SSPN: variants seen among roughly 807,000 people sequenced by gnomAD.
The protein encoded by SSPN is K-ras oncogene-associated protein.
A neutral mutation model predicts 19.1 loss-of-function variants in SSPN; 15 were observed. The ratio of observed to expected loss-of-function variants is 0.78; its 90% CI spans 0.52 to 1.21. SSPN has a LOEUF of 1.21. Among genes scored for constraint, SSPN ranks in the 50% most tolerant of loss-of-function variants. The probability of loss-of-function intolerance (pLI) is 0.00; values close to 1 mark genes in which losing one functional copy is unlikely to be tolerated. For missense variants in SSPN, 291 were observed against 314.0 expected, an observed-to-expected ratio of 0.93 and a Z score of 0.55; for synonymous variants, 147 against 140.3, an observed-to-expected ratio of 1.05 and a Z score of -0.34.
chr12:26,123,886 G>A (rs1944337470), intron 1 of SSPN: 2 of 759,050 alleles, frequency 2.6e-6, no homozygotes, highest in East Asian at 2.6e-5. Context: ...CCACAAGACA[G>A]GTTATAAATG....
intron 1 of SSPN, among the ~76,000 whole-genome samples, chr12:26,210,297 A>C (rs1944971549): frequency 6.6e-6 from 1 of 152,132 alleles, no homozygotes; most frequent in Admixed American, 6.5e-5. Flanking sequence ...CTAAAAAATA[A>C]TCAATATACT....
upstream of SSPN, among the ~76,000 whole-genome samples, chr12:26,190,621 A>C (rs1944781458): frequency 6.6e-6 from 1 of 152,242 alleles, no homozygotes; most frequent in African/African-American, 2.4e-5. Flanking sequence ...TTATTGTAGC[A>C]ATAGATAATT....
chr12:26,233,799 G>A lies in SSPN; in HGVS notation c.*2723G>A, dbSNP rs1053443597. 6.6e-6 allele frequency: 1 copy of A among 152,208 alleles called. No individual in the cohort carries two copies. Among genetic ancestry groups the A allele is most frequent in the Non-Finnish European group, 1.5e-5 (1 of 68,054 alleles). The allele number at this position is 152,208 out of a possible 1,614,324, so 9.4% of individuals were successfully genotyped here. A position where few individuals can be genotyped will look rare whatever the true frequency, so the allele number is the denominator to read the frequency against. ...AAATGAATCAAGACTTTGGAAAGAC[G>A]GGGAAGAGCCGGGACTTGGCAGTAC... On this transcript the variant is annotated 3_prime_UTR_variant, in exon 3 of 3. Coordinates refer to ENST00000242729, the MANE Select transcript of SSPN (RefSeq NM_005086.5). This position sits in a 1 kb window ranked among gnomAD's most constrained non-coding sequence, Gnocchi z 4.3.
At chr12:26,161,653 G>C (rs1423939773) in intron 1 of SSPN, among the ~76,000 whole-genome samples, 1 of 152,074 alleles carries the variant, frequency 6.6e-6, no homozygotes, top group Non-Finnish European at 1.5e-5. Flanking sequence ...TTTTGCTCAG[G>C]TGCCTAGAAC....
At chr12:26,137,630 G>GTGTA (rs1944433470) in intron 1 of SSPN, among the ~76,000 whole-genome samples, 3 of 59,030 alleles carry the variant, frequency 5.1e-5, no homozygotes, top group African/African-American at 7.1e-5. Context: ...GTGTGTGTGT[G>GTGTA]TGTATGTATA....
intron 1 of SSPN, among the ~76,000 whole-genome samples, chr12:26,196,179 A>C (rs1591873892): frequency 6.6e-6 from 1 of 152,206 alleles, no homozygotes; most frequent in Admixed American, 6.5e-5. Context: ...CAGCGCCTCC[A>C]CGGGGCCTGA....
At chr12:26,192,581 A>G (rs950109439), upstream of SSPN, among the ~76,000 whole-genome samples, 46 of 152,222 alleles carry the variant, frequency 3.0e-4, no homozygotes, top group Admixed American at 9.2e-4. Flanking sequence ...AGTGAAAATG[A>G]CATCCTCGTC....
rs1945233431 is a variant in SSPN, at chr12:26,231,559, T to C, written c.*483T>C. On this transcript the variant is annotated 3_prime_UTR_variant, in exon 3 of 3. Transcript: ENST00000242729. ...CAGGAGGTGGGGGAAGAGCTGAATCTCTTTATTTTCCCTGGTAGAGACATC... is the reference window on the plus strand; with the variant it reads ...CAGGAGGTGGGGGAAGAGCTGAATCCCTTTATTTTCCCTGGTAGAGACATC... 6.5e-6 allele frequency: 1 copy of C among 154,192 alleles called. No individual in the cohort carries two copies. Among genetic ancestry groups the C allele is most frequent in the South Asian group, 2.0e-4 (1 of 4,908 alleles). 9.6% of individuals were successfully genotyped at this position (154,192 alleles called of 1,614,324 possible).
chr12:26,149,089 A>T (rs1162499002), intron 1 of SSPN, among the ~76,000 whole-genome samples: 1 of 152,214 alleles, frequency 6.6e-6, no homozygotes, highest in African/African-American at 2.4e-5. Context: ...GTGGAGAAGC[A>T]CTTACTGTAA....
intron 1 of SSPN, among the ~76,000 whole-genome samples, chr12:26,188,662 T>C (rs1475477459): frequency 6.6e-6 from 1 of 152,222 alleles, no homozygotes; most frequent in Non-Finnish European, 1.5e-5. Context: ...GTATCAGAAA[T>C]ATCTGAATCC....
Position 26,231,400 on chromosome 12 carries a change from C to T in SSPN, c.*324C>T, listed in dbSNP as rs1466074555. On this transcript the variant is annotated 3_prime_UTR_variant, in exon 3 of 3. Coordinates refer to ENST00000242729, the MANE Select transcript of SSPN (RefSeq NM_005086.5). ...GTTAACTCATTTTATCCATTCCTTACATAATCTTCTTTCCTGTTAGTCCAG... is the reference window on the plus strand; with the variant it reads ...GTTAACTCATTTTATCCATTCCTTATATAATCTTCTTTCCTGTTAGTCCAG... The T allele has an allele frequency of 8.9e-6, 2 of 224,186 alleles. No individual in the cohort carries two copies. The highest frequency in any genetic ancestry group is 2.5e-4 in the East Asian group (2 of 8,014). The allele number at this position is 224,186 out of a possible 1,614,324, so 13.9% of individuals were successfully genotyped here.
intron 1 of SSPN, among the ~76,000 whole-genome samples, chr12:26,131,546 T>A (rs982843840): frequency 6.6e-6 from 1 of 152,210 alleles, no homozygotes; most frequent in African/African-American, 2.4e-5. Context: ...GCCACACTTA[T>A]GTAGCATACA....
chr12:26,199,497 C>A (rs894303898), intron 1 of SSPN, among the ~76,000 whole-genome samples: 1 of 152,166 alleles, frequency 6.6e-6, no homozygotes, highest in African/African-American at 2.4e-5. Flanking sequence ...ACCGCAATGA[C>A]AAAACAAAGT....
intron 1 of SSPN, among the ~76,000 whole-genome samples, chr12:26,136,992 G>C (rs1288803901): frequency 6.6e-6 from 1 of 152,140 alleles, no homozygotes; most frequent in Non-Finnish European, 1.5e-5. Flanking sequence ...TTTGTTAGCT[G>C]GCCATGGGAG....
intron 1 of SSPN, chr12:26,211,793 C>T (rs116904869): frequency 6.6e-6 from 1 of 152,306 alleles, no homozygotes; most frequent in Non-Finnish European, 1.5e-5. Context: ...GACAACAGAT[C>T]TGGCTAAACT....
At chr12:26,149,842 ACTG>A (rs1944514616) in intron 1 of SSPN, among the ~76,000 whole-genome samples, 1 of 152,200 alleles carries the variant, frequency 6.6e-6, no homozygotes, top group African/African-American at 2.4e-5. Context: ...ATCCACACAT[ACTG>A]CACCTGAAAT....
Position 26,233,504 on chromosome 12 carries a change from G to T in SSPN, c.*2428G>T, listed in dbSNP as rs987382762. On this transcript the variant is annotated 3_prime_UTR_variant, in exon 3 of 3. Transcript: ENST00000242729. The surrounding 1 kb of genome is among the most constrained non-coding windows in gnomAD (Gnocchi z 4.3). ...AAAGAAAGAAAGAAAAGATCCCTTT[G>T]CTATGAGCTCGCTGTATATTGATAA... 1.3e-5 allele frequency: 2 copies of T among 152,096 alleles called. No homozygotes were observed. The highest frequency in any genetic ancestry group is 2.9e-5 in the Non-Finnish European group (2 of 68,008). The allele number at this position is 152,096 out of a possible 1,614,324, so 9.4% of individuals were successfully genotyped here. A position where few individuals can be genotyped will look rare whatever the true frequency, so the allele number is the denominator to read the frequency against.
At chr12:26,200,635 A>T (rs566713469) in intron 1 of SSPN, among the ~76,000 whole-genome samples, 5 of 152,330 alleles carry the variant, frequency 3.3e-5, no homozygotes, top group African/African-American at 1.2e-4. Flanking sequence ...AGGGTATAGG[A>T]TAAACCCTCA....
chr12:26,225,448 A>C (rs1945167127), intron 2 of SSPN, among the ~76,000 whole-genome samples: 1 of 152,180 alleles, frequency 6.6e-6, no homozygotes, highest in African/African-American at 2.4e-5. Context: ...AAAAAATAAA[A>C]GCTCTTAATG....
Sources: gnomAD v4.1 joint callset for allele counts (sites outside exome capture counted in the v4.1 genomes callset) on GRCh38, gnomAD v4.1.1 for gene constraint, Gnocchi (gnomAD v3.1) non-coding constraint, MANE v1.5 for transcripts, NCBI Gene and HGNC (gene_info 2026-07-23, HGNC 2026-07-21) for gene names.